SMG6: variants seen among roughly 807,000 people sequenced by gnomAD.
SMG6 encodes SMG6 nonsense mediated mRNA decay factor.
A neutral mutation model predicts 142.2 loss-of-function variants in SMG6; 66 were observed. The observed-to-expected ratio is 0.46, with a 90% CI of 0.38 to 0.57. SMG6 has a LOEUF of 0.57. Ranked by LOEUF, SMG6 falls within the 20% of genes least tolerant of loss-of-function variation. SMG6 has a pLI of 0.00. For synonymous variants in SMG6, 779 were observed against 702.4 expected, an observed-to-expected ratio of 1.11 and a Z score of -1.72; for missense variants, 1,793 against 1,832.0, an observed-to-expected ratio of 0.98 and a Z score of 0.39.
At chr17:2,301,766 C>T (rs1286039910) in intron 1 of SMG6, among the ~76,000 whole-genome samples, 1 of 152,214 alleles carries the variant, frequency 6.6e-6, no homozygotes, top group Non-Finnish European at 1.5e-5. Context: ...AGCGTGAACC[C>T]AGGAGGCGGA....
At chr17:2,112,318 C>T (rs2641436) in intron 13 of SMG6, among the ~76,000 whole-genome samples, 51,814 of 150,936 alleles carry the variant, frequency 0.34, 9,511 homozygotes, top group African/African-American at 0.47. Context: ...TCATGGCTAA[C>T]ATGGTGAAAC....
chr17:2,175,474 G>A (rs1373096383), intron 12 of SMG6, among the ~76,000 whole-genome samples: 1 of 152,004 alleles, frequency 6.6e-6, no homozygotes, highest in Non-Finnish European at 1.5e-5. Context: ...GAAGAAATAT[G>A]TGGTACCATG....
In SMG6 at chr17:2,298,906, C is replaced by G; in HGVS notation, c.1847G>C (p.Arg616Thr). ...CCAGCCAGAATAGACCACATCATAC[C>G]TGAGTTGCGCCATCTTCTCCAGGCC... ...PEGLEKMAQL[R>T]AELLQLYERC... The change falls in exon 2 of 19, where the codon AGA becomes ACA. Residue 616 changes from arginine to threonine, a missense_variant and splice_region_variant. Transcript: ENST00000263073. 1 of 1,611,504 alleles carries G rather than the reference C, an allele frequency of 6.2e-7. No individual in the cohort carries two copies. Among genetic ancestry groups the G allele is most frequent in the African/African-American group, 1.3e-5 (1 of 74,998 alleles).
At position 2,104,790 on chromosome 17, in the gene SMG6, T is replaced by C. The variant is rs112384106; in HGVS notation, c.3358-18889A>G. ...TCAGAAAAAGCAAGTGATGAAGTGA[T>C]GAAGCTGGGCTTTGAACCCAGATTT... On this transcript the variant is annotated intron_variant, in intron 13 of 18. Transcript: ENST00000263073. Among the ~76,000 whole-genome samples, 389 of 152,316 alleles carry C rather than the reference T, an allele frequency of 2.6e-3. 2 individuals carry two copies. The highest frequency in any genetic ancestry group is 8.9e-3 in the African/African-American group (370 of 41,578).
At chr17:2,237,472 T>C (rs901767789) in intron 9 of SMG6, 7 of 982,118 alleles carry the variant, frequency 7.1e-6, no homozygotes, top group Non-Finnish European at 8.5e-6. Context: ...GATCCCAAAT[T>C]TCCCCTTGAA....
At chr17:2,239,228 T>C (rs775404035) in intron 9 of SMG6, among the ~76,000 whole-genome samples, 1 of 152,216 alleles carries the variant, frequency 6.6e-6, no homozygotes, top group Non-Finnish European at 1.5e-5. Context: ...ACTATCTTTT[T>C]GGAGGGCACA....
At chr17:2,202,124 T>C (rs917838538) in intron 10 of SMG6, among the ~76,000 whole-genome samples, 4 of 152,184 alleles carry the variant, frequency 2.6e-5, no homozygotes, top group Admixed American at 6.5e-5. Flanking sequence ...AGAATGTTCA[T>C]AGCAGTTTTA....
chr17:2,255,537 G>T (rs1023915656), intron 8 of SMG6, among the ~76,000 whole-genome samples: 1 of 151,654 alleles, frequency 6.6e-6, no homozygotes, highest in African/African-American at 2.4e-5. Flanking sequence ...TTAGGGTTTT[G>T]GCCAGCTGCC....
intron 13 of SMG6, among the ~76,000 whole-genome samples, chr17:2,144,313 C>T (rs2070591921): frequency 1.3e-5 from 2 of 151,986 alleles, no homozygotes; most frequent in African/African-American, 4.8e-5. Context: ...GTGATCTGCC[C>T]GCCTCGGCCT....
intron 13 of SMG6, among the ~76,000 whole-genome samples, chr17:2,130,673 T>G (rs1232566302): frequency 1.3e-5 from 2 of 152,008 alleles, no homozygotes; most frequent in Non-Finnish European, 2.9e-5. Context: ...CCTCAGGGTA[T>G]GTAAGGTTTC....
At chr17:2,145,739 G>GA (rs1268492906) in intron 13 of SMG6, among the ~76,000 whole-genome samples, 3 of 140,018 alleles carry the variant, frequency 2.1e-5, no homozygotes, top group Non-Finnish European at 4.7e-5. Flanking sequence ...AAACAAAAAA[G>GA]AAAAAACAAA....
At chr17:2,287,698 A>G (rs1002683547) in intron 6 of SMG6, among the ~76,000 whole-genome samples, 1 of 152,236 alleles carries the variant, frequency 6.6e-6, no homozygotes, top group African/African-American at 2.4e-5. Context: ...ATATATACAC[A>G]ATGAAATGTA....
At chr17:2,156,666 G>C (rs1294688751) in intron 13 of SMG6, among the ~76,000 whole-genome samples, 1 of 151,622 alleles carries the variant, frequency 6.6e-6, no homozygotes, top group Non-Finnish European at 1.5e-5. Context: ...TTGCTTGTTT[G>C]TTTTTTGAGA....
chr17:2,065,565 C>T lies in SMG6; in HGVS notation c.3950G>A (p.Arg1317Gln), dbSNP rs753187097. 156 of 1,613,996 alleles carry T rather than the reference C, an allele frequency of 9.7e-5. No individual in the cohort carries two copies. The highest frequency in any genetic ancestry group is 1.3e-4 in the Non-Finnish European group (151 of 1,180,028). ...CAGGCAAGAGTCCCGACTCTCGAAT[C>T]GCTGCTCGAGGAACTCGATGGACTT... is the stretch of plus-strand genomic sequence containing the variant. ...ARKSIEFLEQ[R>Q]FESRDSCLRA... is the part of the protein sequence containing the mutation. Residue 1317 changes from arginine to glutamine, a missense_variant, in exon 17 of 19, where the codon CGA (arginine) becomes CAA (glutamine). Transcript: ENST00000263073.
At chr17:2,287,366 C>T (rs888212231) in intron 6 of SMG6, among the ~76,000 whole-genome samples, 4 of 152,184 alleles carry the variant, frequency 2.6e-5, no homozygotes, top group South Asian at 2.1e-4. Flanking sequence ...ACCACCACTA[C>T]GATGGCTACT....
At chr17:2,255,432 A>T (rs1364351692) in intron 8 of SMG6, among the ~76,000 whole-genome samples, 2 of 144,394 alleles carry the variant, frequency 1.4e-5, no homozygotes, top group East Asian at 2.0e-4. Flanking sequence ...AAAAAAAAGA[A>T]TGTGATCTTC....
rs540879890 is a variant in SMG6 at position 2,287,730 on chromosome 17, A to T, written c.2338-3995T>A. ...TGTAATTCACCCTCCAAAAGGAGGA[A>T]ATTCTGACACATGCTACAACATGGA... On this transcript the variant is annotated intron_variant, in intron 6 of 18. Transcript: ENST00000263073. Among the ~76,000 whole-genome samples the T allele has an allele frequency of 5.9e-5, 9 of 152,348 alleles. No individual in the cohort carries two copies. The South Asian group carries it at 1.7e-3, about 28-fold the overall frequency.
chr17:2,130,860 TG>T (rs2070097879), intron 13 of SMG6, among the ~76,000 whole-genome samples: 1 of 151,852 alleles, frequency 6.6e-6, no homozygotes, highest in Non-Finnish European at 1.5e-5. Context: ...AAAAATTAGC[TG>T]GGCGTGGTGG....
At chr17:2,236,387 G>T (rs944336342) in intron 10 of SMG6, 105 bp downstream of exon 10, 6 of 1,139,604 alleles carry the variant, frequency 5.3e-6, no homozygotes, top group Non-Finnish European at 7.6e-6. Context: ...GTGTTCGGGG[G>T]TGGGGTGGGG....
Sources: allele counts gnomAD v4.1 joint callset (sites outside exome capture counted in the v4.1 genomes callset), GRCh38; gene constraint gnomAD v4.1.1; transcripts MANE v1.5; gene names NCBI Gene and HGNC (gene_info 2026-07-23, HGNC 2026-07-21).